Variants in MDM2 observed in about 807,000 individuals in gnomAD.
The protein encoded by MDM2 is E3 ubiquitin-protein ligase Mdm2.
A neutral mutation model predicts 64.3 loss-of-function variants in MDM2; 11 were observed. The observed-to-expected ratio is 0.17, with a 90% CI of 0.11 to 0.28. The LOEUF (loss-of-function observed/expected upper bound fraction) is 0.28, where lower values mean the gene tolerates loss of function less well. MDM2 is among the 10% of genes least tolerant of loss of function. The pLI, the probability that MDM2 is intolerant of heterozygous loss-of-function variation, is 1.00. For missense variants in MDM2, 388 were observed against 577.1 expected (o/e 0.67, Z 3.36); for synonymous variants, 194 against 192.9 (o/e 1.01, Z -0.05).
In MDM2 at chr12:68,843,478, ATAAG is replaced by A. The variant is rs1883985378; in HGVS notation, c.*3632_*3635del. ...GTATTTAACATTTAAAATTTCTAATATAAGTATCTCTCAAACTGTGGATTAACTT... is the reference window on the plus strand; with the variant it reads ...GTATTTAACATTTAAAATTTCTAATATATCTCTCAAACTGTGGATTAACTT... On this transcript the variant is annotated 3_prime_UTR_variant, in exon 11 of 11. Transcript: ENST00000258149. 3 of 226,614 alleles carry A rather than the reference ATAAG, an allele frequency of 1.3e-5. No individual in the cohort carries two copies. Among genetic ancestry groups the A allele is most frequent in the Middle Eastern group, 1.3e-3 (1 of 772 alleles). The allele number at this position is 226,614 out of a possible 1,614,324, so 14.0% of individuals were successfully genotyped here.
intron 8 of MDM2, among the ~76,000 whole-genome samples, chr12:68,832,953 C>T (rs1358594006): frequency 1.3e-5 from 2 of 149,874 alleles, no homozygotes; most frequent in Admixed American, 6.7e-5. Context: ...GGCGAAACCC[C>T]GTCTCTACTA....
intron 7 of MDM2, among the ~76,000 whole-genome samples, chr12:68,826,891 TC>T (rs1454060992): frequency 6.6e-6 from 1 of 150,778 alleles, no homozygotes; most frequent in East Asian, 2.0e-4. Flanking sequence ...AACGTAAAAA[TC>T]CCGGCCAGGT....
Position 68,843,578 on chromosome 12 carries a change from C to A in MDM2, c.*3729C>A, listed in dbSNP as rs1443984556. 1.8e-5 allele frequency: 4 copies of A among 226,846 alleles called. No individual in the cohort carries two copies. Among genetic ancestry groups the A allele is most frequent in the Non-Finnish European group, 2.6e-5 (3 of 114,374 alleles). 14.1% of individuals were successfully genotyped at this position (226,846 alleles called of 1,614,324 possible). On this transcript the variant is annotated 3_prime_UTR_variant, in exon 11 of 11. Coordinates refer to ENST00000258149, the MANE Select transcript of MDM2 (RefSeq NM_002392.6). Reference sequence around the variant, plus strand: ...AACCATCTTGATTTAGTGTTTTTCTCCCATATGTGAATTGTATATACTTAG... The same window carrying A: ...AACCATCTTGATTTAGTGTTTTTCTACCATATGTGAATTGTATATACTTAG...
At chr12:68,830,060 A>ATTT (rs138064988) in intron 8 of MDM2, among the ~76,000 whole-genome samples, 1 of 148,998 alleles carries the variant, frequency 6.7e-6, no homozygotes, top group African/African-American at 2.4e-5. Flanking sequence ...AAATATTATG[A>ATTT]TTTTTTTTTT....
rs750452466 is a variant in MDM2 at position 68,828,878 on chromosome 12, A to C, written c.631A>C (p.Ile211Leu). 2.4e-5 allele frequency: 38 copies of C among 1,613,754 alleles called. No individual in the cohort carries two copies. The highest frequency in any genetic ancestry group is 5.0e-5 in the Admixed American group (3 of 59,966). ...CCTGGCTCTGTGTGTAATAAGGGAG[A>C]TATGTTGTGAAAGAAGCAGTAGCAG... is the stretch of plus-strand genomic sequence containing the variant. ...ESLALCVIRE[I>L]CCERSSSSES... Residue 211 changes from isoleucine to leucine, a missense_variant, in exon 8 of 11, where the codon ATA becomes CTA. Physicochemically the swap from Ile to Leu is conservative, Grantham distance 5 (BLOSUM62 2). Around this residue, in one of 5 missense-constraint regions of MDM2, gnomAD observed 168 missense variants for 236.6 expected, o/e 0.71. Coordinates refer to ENST00000258149, the MANE Select transcript of MDM2 (RefSeq NM_002392.6).
intron 3 of MDM2, among the ~76,000 whole-genome samples, chr12:68,814,338 G>A (rs1881167312): frequency 6.6e-6 from 1 of 152,230 alleles, no homozygotes; most frequent in African/African-American, 2.4e-5. Context: ...ATAGGCATGA[G>A]CCACCATGCC....
chr12:68,837,573 C>T (rs894818977), intron 10 of MDM2, among the ~76,000 whole-genome samples: 1 of 152,060 alleles, frequency 6.6e-6, no homozygotes, highest in African/African-American at 2.4e-5. Context: ...CCAGGATGGT[C>T]TTGAACTCCT....
chr12:68,848,232 G>C (rs902829401), downstream of MDM2: 1 of 152,176 alleles, frequency 6.6e-6, no homozygotes, highest in African/African-American at 2.4e-5. Flanking sequence ...GCCCAGGGTG[G>C]AGTGCAATGG....
chr12:68,836,664 T>G lies in MDM2; in HGVS notation c.841-8T>G. On this transcript the variant is annotated splice_polypyrimidine_tract_variant and splice_region_variant and intron_variant, in intron 9 of 10. Transcript: ENST00000258149. ...GATGAATTGATGCTAATGAATGTGT[T>G]TTATTAGGTATATCAAGTTACTGTG... The G allele has an allele frequency of 6.3e-7, 1 of 1,595,268 alleles. No individual in the cohort carries two copies. The highest frequency in any genetic ancestry group is 8.6e-7 in the Non-Finnish European group (1 of 1,163,206).
rs546733138 is a variant in MDM2 at position 68,830,188 on chromosome 12, C to T, written c.684+1257C>T. Among the ~76,000 whole-genome samples the T allele has an allele frequency of 3.9e-5, 6 of 152,246 alleles. No individual in the cohort carries two copies. The South Asian group carries it at 8.3e-4, about 21-fold the overall frequency. On this transcript the variant is annotated intron_variant, in intron 8 of 10. Transcript: ENST00000258149. ...TTGGATACATTTTTTGGTAATATGGCAGTGTCTCATGGCCATTATTCTGGG... is the reference window on the plus strand; with the variant it reads ...TTGGATACATTTTTTGGTAATATGGTAGTGTCTCATGGCCATTATTCTGGG...
chr12:68,822,371 CT>C (rs142480058), intron 5 of MDM2, among the ~76,000 whole-genome samples: 8 of 146,060 alleles, frequency 5.5e-5, no homozygotes, highest in East Asian at 4.0e-4. Flanking sequence ...TTTTAAAGCT[CT>C]TTTTTTTTTT....
intron 2 of MDM2, among the ~76,000 whole-genome samples, chr12:68,812,900 CT>C (rs1881032750): frequency 1.3e-5 from 2 of 152,126 alleles, no homozygotes; most frequent in Non-Finnish European, 2.9e-5. Context: ...AAATTGACCC[CT>C]AATCTAGTTG....
chr12:68,812,105 A>G (rs1477584910), intron 2 of MDM2, among the ~76,000 whole-genome samples: 1 of 152,220 alleles, frequency 6.6e-6, no homozygotes, highest in Non-Finnish European at 1.5e-5. Context: ...ATAGCATATA[A>G]TAAAAATTCA....
chr12:68,848,727 G>C (rs946248206), downstream of MDM2: 1 of 151,524 alleles, frequency 6.6e-6, no homozygotes, highest in Non-Finnish European at 1.5e-5. Context: ...TTGTTTTTTT[G>C]GGGGGGACGA....
At chr12:68,821,566 T>C (rs951524311) in intron 5 of MDM2, among the ~76,000 whole-genome samples, 1 of 151,998 alleles carries the variant, frequency 6.6e-6, no homozygotes, top group Non-Finnish European at 1.5e-5. Flanking sequence ...CTGCAAAAAC[T>C]ACAAAAATCA....
intron 7 of MDM2, among the ~76,000 whole-genome samples, chr12:68,827,513 T>C (rs1295809797): frequency 6.6e-6 from 1 of 152,240 alleles, no homozygotes; most frequent in East Asian, 1.9e-4. Flanking sequence ...CCTTTGCCTT[T>C]TAACTTTTGT....
Position 68,842,464 on chromosome 12 carries a change from G to C in MDM2, c.*2615G>C. The C allele has an allele frequency of 2.4e-6, 1 of 416,778 alleles. No homozygotes were observed. Among genetic ancestry groups the C allele is most frequent in the Admixed American group, 3.3e-5 (1 of 29,992 alleles). 25.8% of individuals were successfully genotyped at this position (416,778 alleles called of 1,614,324 possible). On this transcript the variant is annotated 3_prime_UTR_variant, in exon 11 of 11. Transcript: ENST00000258149. ...GGAGACTTAGAACCTCTAAATTATT[G>C]ACTTATTTTTTATATAAGGTCACTC...
intron 8 of MDM2, among the ~76,000 whole-genome samples, chr12:68,834,270 C>T (rs1019024869): frequency 2.0e-5 from 3 of 152,042 alleles, no homozygotes; most frequent in Admixed American, 6.6e-5. Context: ...GACGAAACCC[C>T]GTCTCCACTA....
chr12:68,835,951 A>C lies in MDM2; in HGVS notation c.807A>C (p.Glu269Asp), dbSNP rs779345987. 1.2e-6 allele frequency: 2 copies of C among 1,611,226 alleles called. No individual in the cohort carries two copies. The highest frequency in any genetic ancestry group is 2.2e-5 in the South Asian group (2 of 90,562). ...SLDSEDYSLSEEGQELSDEDD... is the reference protein window; with the variant it reads ...SLDSEDYSLSDEGQELSDEDD... ...ACTCAGAAGATTATAGCCTTAGTGA[A>C]GAAGGACAAGAACTCTCAGATGAAG... Residue 269 changes from glutamate (E) to aspartate (D), a missense_variant, in exon 9 of 11, where the codon GAA (glutamate) becomes GAC (aspartate). By Grantham distance (45) the Glu-to-Asp change is conservative. This residue lies in a region of MDM2 where 168 missense variants were observed against 236.6 expected (regional missense o/e 0.71). Transcript: ENST00000258149.
Sources: gnomAD v4.1 joint callset for allele counts (sites outside exome capture counted in the v4.1 genomes callset) on GRCh38, gnomAD v4.1.1 for gene constraint, gnomAD v4.1.1 regional missense constraint, MANE v1.5 for transcripts, NCBI Gene and HGNC (gene_info 2026-07-23, HGNC 2026-07-21) for gene names.